The following HLF variants were observed in gnomAD, a reference collection of about 807,000 sequenced individuals.
The protein encoded by HLF is HLF transcription factor, PAR bZIP family member, also known as hepatic leukemia factor.
In HLF, 3 loss-of-function variants were observed where a neutral mutation model predicts 22.6. That is an observed-to-expected ratio of 0.13 (90% CI 0.06 to 0.34). The LOEUF (loss-of-function observed/expected upper bound fraction) is 0.34. Ranked by LOEUF, HLF falls within the 10% of genes least tolerant of loss-of-function variation. The pLI, the probability that HLF is intolerant of heterozygous loss-of-function variation, is 1.00. For synonymous variants in HLF, 151 were observed against 151.8 expected (o/e 0.99, Z 0.04); for missense variants, 299 against 389.2 (o/e 0.77, Z 1.95).
At chr17:55,290,588 G>A (rs781373779) in intron 2 of HLF, among the ~76,000 whole-genome samples, 1 of 152,066 alleles carries the variant, frequency 6.6e-6, no homozygotes, top group Non-Finnish European at 1.5e-5. Context: ...CCAACTGGCC[G>A]TTCTCCCATT....
In HLF at chr17:55,321,702, A is replaced by G. The variant is rs751794864; in HGVS notation, c.*823A>G. 1 of 229,564 alleles carries G rather than the reference A, an allele frequency of 4.4e-6. No individual in the cohort carries two copies. The highest frequency in any genetic ancestry group is 8.6e-6 in the Non-Finnish European group (1 of 115,650). 14.2% of individuals were successfully genotyped at this position (229,564 alleles called of 1,614,324 possible). A position where few individuals can be genotyped will look rare whatever the true frequency, so the allele number is the denominator to read the frequency against. On this transcript the variant is annotated 3_prime_UTR_variant, in exon 4 of 4. Coordinates refer to ENST00000226067, the MANE Select transcript of HLF (RefSeq NM_002126.5). ...GAATTTCACTGTCTTTTAAAAAACA[A>G]AAAGTAAAGTAATGCATTTGAGCAT...
At chr17:55,273,650 G>T (rs984519514) in intron 2 of HLF, 1 of 152,260 alleles carries the variant, frequency 6.6e-6, no homozygotes, top group Non-Finnish European at 1.5e-5. Flanking sequence ...CCCAGCTCTC[G>T]TGTGAGCCCT....
At chr17:55,290,040 T>C (rs1230875758) in intron 2 of HLF, among the ~76,000 whole-genome samples, 1 of 152,206 alleles carries the variant, frequency 6.6e-6, no homozygotes, top group Admixed American at 6.5e-5. Context: ...GGAGTCTCTC[T>C]TGACAACCCA....
At position 55,313,888 on chromosome 17, in the gene HLF, A is replaced by G. The variant is rs190721939; in HGVS notation, c.452-1339A>G. Among the ~76,000 whole-genome samples the G allele has an allele frequency of 6.6e-5, 10 of 152,298 alleles. No homozygotes were observed. The East Asian group carries it at 1.9e-3, about 29-fold the overall frequency. ...GGTCACCCAGAGCATTCATTTTGCA[A>G]ACTCCCCACCAGGCCTTTCCAGAAG... On this transcript the variant is annotated intron_variant, in intron 2 of 3. Transcript: ENST00000226067.
At chr17:55,300,838 T>A (rs761143359) in intron 2 of HLF, among the ~76,000 whole-genome samples, 12 of 152,196 alleles carry the variant, frequency 7.9e-5, no homozygotes, top group Non-Finnish European at 1.5e-4. Context: ...AGTGAGTCCT[T>A]TGCTCTAATT....
At position 55,281,240 on chromosome 17, in the gene HLF, G is replaced by A. The variant is rs1021576481; in HGVS notation, c.451+13154G>A. Among the ~76,000 whole-genome samples, 3 of 152,152 alleles carry A rather than the reference G, an allele frequency of 2.0e-5. No individual in the cohort carries two copies. In the East Asian group the frequency reaches 5.8e-4, roughly 29 times the overall value. On this transcript the variant is annotated intron_variant, in intron 2 of 3. Transcript: ENST00000226067. ...AAATATCTCTGAGTCGCGGCCAGGC[G>A]CAGTGGCTCATGCCTGTAATCCCAG...
chr17:55,299,313 A>G (rs1353431506), intron 2 of HLF, among the ~76,000 whole-genome samples: 1 of 152,210 alleles, frequency 6.6e-6, no homozygotes, highest in African/African-American at 2.4e-5. Flanking sequence ...AATGATCATT[A>G]ACTAATAGGG....
chr17:55,316,519 T>C (rs925879495), intron 3 of HLF, among the ~76,000 whole-genome samples: 1 of 152,258 alleles, frequency 6.6e-6, no homozygotes, highest in Non-Finnish European at 1.5e-5. Context: ...TCCACATTCC[T>C]GAGATTACCT....
At chr17:55,298,877 A>G (rs1162056702) in intron 2 of HLF, among the ~76,000 whole-genome samples, 2 of 152,364 alleles carry the variant, frequency 1.3e-5, no homozygotes, top group Middle Eastern at 3.4e-3. Context: ...TGTAAAAATC[A>G]GATGCATGCT....
At chr17:55,308,895 A>G (rs1904705305) in intron 2 of HLF, among the ~76,000 whole-genome samples, 1 of 152,164 alleles carries the variant, frequency 6.6e-6, no homozygotes, top group African/African-American at 2.4e-5. Flanking sequence ...AGTTCAGGTG[A>G]TTTAAGCTGA....
intron 2 of HLF, among the ~76,000 whole-genome samples, chr17:55,313,106 G>C (rs1904908318): frequency 6.6e-6 from 1 of 152,162 alleles, no homozygotes; most frequent in African/African-American, 2.4e-5. Flanking sequence ...TGCAGGTAGG[G>C]CTGACCTACT....
chr17:55,293,269 G>T (rs1182910733), intron 2 of HLF, among the ~76,000 whole-genome samples: 2 of 152,078 alleles, frequency 1.3e-5, no homozygotes, highest in East Asian at 3.9e-4. Flanking sequence ...TAAGATTTGA[G>T]GTGCTATATG....
rs550990964 is a variant in HLF, at chr17:55,287,164, T to G, written c.451+19078T>G. ...TTCCAGGGGAGGTTAGATAAGGTTATTGAAAAGGTGAAGTCACCCTGTACA... is the reference window on the plus strand; with the variant it reads ...TTCCAGGGGAGGTTAGATAAGGTTAGTGAAAAGGTGAAGTCACCCTGTACA... On this transcript the variant is annotated intron_variant, in intron 2 of 3. Transcript: ENST00000226067. Among the ~76,000 whole-genome samples the G allele has an allele frequency of 2.0e-5, 3 of 152,366 alleles. No individual in the cohort carries two copies. The South Asian group carries it at 6.2e-4, about 32-fold the overall frequency.
At chr17:55,286,750 A>G (rs910706327) in intron 2 of HLF, among the ~76,000 whole-genome samples, 5 of 152,192 alleles carry the variant, frequency 3.3e-5, no homozygotes, top group African/African-American at 1.2e-4. Flanking sequence ...AGAGTCTTAT[A>G]TTTACTGCTT....
Position 55,314,516 on chromosome 17 carries a change from G to C in HLF, c.452-711G>C, listed in dbSNP as rs1250127646. On this transcript the variant is annotated intron_variant, in intron 2 of 3. Coordinates refer to ENST00000226067, the MANE Select transcript of HLF (RefSeq NM_002126.5). ...GCTCAGCATCTCTCACTGACATTTG[G>C]ATTGTTCAAAATCATATCCCCACTG... Among the ~76,000 whole-genome samples, 3 of 152,064 alleles carry C rather than the reference G, an allele frequency of 2.0e-5. No homozygotes were observed. In the South Asian group the frequency reaches 6.2e-4, roughly 32 times the overall value.
At position 55,322,568 on chromosome 17, in the gene HLF, A is replaced by C. The variant is rs1905297980; in HGVS notation, c.*1689A>C. 4.6e-6 allele frequency: 1 copy of C among 217,304 alleles called. No homozygotes were observed. Among genetic ancestry groups the C allele is most frequent in the Middle Eastern group, 1.4e-3 (1 of 710 alleles). 13.5% of individuals were successfully genotyped at this position (217,304 alleles called of 1,614,324 possible). A position where few individuals can be genotyped will look rare whatever the true frequency, so the allele number is the denominator to read the frequency against. On this transcript the variant is annotated 3_prime_UTR_variant, in exon 4 of 4. Transcript: ENST00000226067. ...AAATTAAAATTTTATGACAGTATCG[A>C]GGCTTGTGATGACGAATCCTGCTCT...
At chr17:55,295,133 C>T (rs2081100672) in intron 2 of HLF, among the ~76,000 whole-genome samples, 1 of 152,110 alleles carries the variant, frequency 6.6e-6, no homozygotes, top group Admixed American at 6.6e-5. Flanking sequence ...TGGTAGATAG[C>T]ATCAGGTTGT....
intron 2 of HLF, among the ~76,000 whole-genome samples, chr17:55,298,607 A>G (rs2081130077): frequency 6.6e-6 from 1 of 152,240 alleles, no homozygotes; most frequent in South Asian, 2.1e-4. Flanking sequence ...TGTCTGGTCT[A>G]GAATGTTATT....
intron 2 of HLF, among the ~76,000 whole-genome samples, chr17:55,305,601 C>T (rs539096323): frequency 6.6e-6 from 1 of 152,362 alleles, no homozygotes; most frequent in African/African-American, 2.4e-5. Context: ...CACCCAGCCT[C>T]CCCCTGGCTT....
Sources: allele counts gnomAD v4.1 joint callset (sites outside exome capture counted in the v4.1 genomes callset), GRCh38; gene constraint gnomAD v4.1.1; transcripts MANE v1.5; gene names NCBI Gene and HGNC (gene_info 2026-07-23, HGNC 2026-07-21).